The following GALNT9 variants were observed in gnomAD, a reference collection of about 807,000 sequenced individuals.
The protein encoded by GALNT9 is polypeptide N-acetylgalactosaminyltransferase 9, also known as GalNAc transferase 9.
GALNT9 carries 47 observed loss-of-function variants against 63.1 expected under a neutral mutation model. The observed-to-expected ratio is 0.75, with a 90% CI of 0.59 to 0.95. GALNT9 has a LOEUF of 0.95. GALNT9 is among the 40% of genes least tolerant of loss of function. GALNT9 has a pLI of 0.00. For synonymous variants in GALNT9, 396 were observed against 365.7 expected (o/e 1.08, Z -0.94); for missense variants, 829 against 874.8 (o/e 0.95, Z 0.66).
At position 132,196,570 on chromosome 12, in the gene GALNT9, G is replaced by T. The variant is rs1235878254; in HGVS notation, c.*537C>A. 1 of 986,384 alleles carries T rather than the reference G, an allele frequency of 1.0e-6. No homozygotes were observed. The highest frequency in any genetic ancestry group is 1.2e-6 in the Non-Finnish European group (1 of 830,654). The allele number at this position is 986,384 out of a possible 1,614,324, so 61.1% of individuals were successfully genotyped here. A position where few individuals can be genotyped will look rare whatever the true frequency, so the allele number is the denominator to read the frequency against. ...GCAGTCGTGCCAGCCTCCTAGACAC[G>T]GCCTCAGGTTTGTCGCTGTCCATGT... On this transcript the variant is annotated 3_prime_UTR_variant, in exon 11 of 11. Coordinates refer to ENST00000328957, the MANE Select transcript of GALNT9 (RefSeq NM_001122636.2).
chr12:132,214,338 C>T (rs1877095038), intron 6 of GALNT9, among the ~76,000 whole-genome samples: 1 of 152,212 alleles, frequency 6.6e-6, no homozygotes, highest in Non-Finnish European at 1.5e-5. Context: ...ATTAATCATG[C>T]TTTCATATTT....
chr12:132,257,955 C>G, intron 4 of GALNT9, 69 bp from the exon 5 acceptor site: 1 of 1,128,170 alleles, frequency 8.9e-7, no homozygotes, highest in Non-Finnish European at 1.3e-6. Context: ...GTCCACTCGC[C>G]CACAGGGAGG....
intron 2 of GALNT9, chr12:132,283,075 T>G (rs1395901241): frequency 6.6e-6 from 1 of 152,198 alleles, no homozygotes; most frequent in African/African-American, 2.4e-5. Context: ...CAGCTCGGGT[T>G]CAGTCCTGAC....
intron 1 of GALNT9, among the ~76,000 whole-genome samples, chr12:132,302,286 T>C (rs1470529925): frequency 6.8e-6 from 1 of 148,026 alleles, no homozygotes; most frequent in Admixed American, 6.7e-5. Context: ...CTGGGGTCTC[T>C]TGCTGCAGGG....
At position 132,228,400 on chromosome 12, in the gene GALNT9, G is replaced by A. The variant is rs1441970324; in HGVS notation, c.1077+19510C>T. Among the ~76,000 whole-genome samples the A allele has an allele frequency of 4.2e-3, 326 of 77,742 alleles. 3 individuals are homozygous for A. The highest frequency in any genetic ancestry group is 0.018 in the Middle Eastern group (2 of 112). The allele number at this position is 77,742 out of a possible 152,430, so 51.0% of individuals were successfully genotyped here. A position where few individuals can be genotyped will look rare whatever the true frequency, so the allele number is the denominator to read the frequency against. On this transcript the variant is annotated intron_variant, in intron 6 of 10. Transcript: ENST00000328957. ...GTGATACCTCTTTGCCTCTGGCGAGGCAGGGCGGCCCGTCAGCACCTCCTC... is the reference window on the plus strand; with the variant it reads ...GTGATACCTCTTTGCCTCTGGCGAGACAGGGCGGCCCGTCAGCACCTCCTC...
At chr12:132,202,619 C>A (rs1025929929) in intron 7 of GALNT9, among the ~76,000 whole-genome samples, 4 of 150,528 alleles carry the variant, frequency 2.7e-5, no homozygotes, top group African/African-American at 1.0e-4. Context: ...TAAATGTATG[C>A]GTGTGTGCGC....
intron 6 of GALNT9, among the ~76,000 whole-genome samples, chr12:132,235,246 G>C (rs1657915540): frequency 1.3e-5 from 2 of 151,912 alleles, no homozygotes; most frequent in South Asian, 4.2e-4. Flanking sequence ...AGCTCAGAGT[G>C]TGTGGGGCAG....
rs1868511041 is a variant in GALNT9, at chr12:132,316,374, T to C, written c.238+12592A>G. Among the ~76,000 whole-genome samples, 1 of 152,158 alleles carries C rather than the reference T, an allele frequency of 6.6e-6. No individual in the cohort carries two copies. Among genetic ancestry groups the C allele is most frequent in the Non-Finnish European group, 1.5e-5 (1 of 68,024 alleles). On this transcript the variant is annotated intron_variant, in intron 1 of 10. Coordinates refer to ENST00000328957, the MANE Select transcript of GALNT9 (RefSeq NM_001122636.2). The surrounding 1 kb of genome is among the most constrained non-coding windows in gnomAD (Gnocchi z 4.3). ...TCTGGGAGGAAACAGAGATCCCCTA[T>C]AACCGAGCATATACTTCCTTTAAAA... is the stretch of plus-strand genomic sequence containing the variant.
intron 1 of GALNT9, among the ~76,000 whole-genome samples, chr12:132,313,244 CCCAT>C (rs202020309): frequency 1.4e-5 from 2 of 142,600 alleles, no homozygotes; most frequent in Non-Finnish European, 3.1e-5. Context: ...CACCAACTCA[CCCAT>C]CCATCCATCC....
chr12:132,282,608 T>A lies in GALNT9; in HGVS notation c.419+3642A>T. 6.6e-6 allele frequency among the ~76,000 whole-genome samples: 1 copy of A among 152,022 alleles called. No homozygotes were observed. Among genetic ancestry groups the A allele is most frequent in the Non-Finnish European group, 1.5e-5 (1 of 68,000 alleles). On this transcript the variant is annotated intron_variant, in intron 2 of 10. Transcript: ENST00000328957. This position sits in a 1 kb window ranked among gnomAD's most constrained non-coding sequence, Gnocchi z 4.5. The stretch of plus-strand genomic sequence containing the variant: ...TCTCCCCTCTTGATGATAAGGTTGC[T>A]GCAGCTCCCCCAGCTCCCAGCCTTG...
chr12:132,326,315 A>C (rs192869739), intron 1 of GALNT9, among the ~76,000 whole-genome samples: 1 of 152,250 alleles, frequency 6.6e-6, no homozygotes, highest in Non-Finnish European at 1.5e-5. Flanking sequence ...GTTTTTGTGT[A>C]TAAACATTTT....
At chr12:132,219,940 G>A (rs995072840) in intron 6 of GALNT9, among the ~76,000 whole-genome samples, 17 of 152,272 alleles carry the variant, frequency 1.1e-4, no homozygotes, top group South Asian at 1.0e-3. Context: ...GGTGACACCC[G>A]CCTGGGTAAG....
chr12:132,288,248 G>A (rs1309371208), intron 1 of GALNT9, among the ~76,000 whole-genome samples: 1 of 152,182 alleles, frequency 6.6e-6, no homozygotes, highest in Non-Finnish European at 1.5e-5. Flanking sequence ...CAGCAGAGCC[G>A]AGGCTTTGAG....
chr12:132,317,064 C>T (rs1371294408), intron 1 of GALNT9, among the ~76,000 whole-genome samples: 3 of 149,842 alleles, frequency 2.0e-5, no homozygotes, highest in African/African-American at 4.9e-5. Context: ...GCACAGCCTG[C>T]ACCCTATGGA....
intron 4 of GALNT9, among the ~76,000 whole-genome samples, chr12:132,259,071 T>C (rs1555239450): frequency 6.6e-6 from 1 of 152,228 alleles, no homozygotes; most frequent in Non-Finnish European, 1.5e-5. Flanking sequence ...TACCTGCCTT[T>C]CAGCTTTGTG....
rs527995611 is a variant in GALNT9 at position 132,204,902 on chromosome 12, G to C, written c.1078-1212C>G. 1.8e-4 allele frequency among the ~76,000 whole-genome samples: 27 copies of C among 152,210 alleles called. 1 individual carries two copies. The South Asian group carries it at 4.8e-3, about 27-fold the overall frequency. ...CCTGCCATGCTGGACGAGTGTGCCAGGCCCAGGGCGGGCACTGTGCTTGCC... is the reference window on the plus strand; with the variant it reads ...CCTGCCATGCTGGACGAGTGTGCCACGCCCAGGGCGGGCACTGTGCTTGCC... On this transcript the variant is annotated intron_variant, in intron 6 of 10. Coordinates refer to ENST00000328957, the MANE Select transcript of GALNT9 (RefSeq NM_001122636.2).
At position 132,310,506 on chromosome 12, in the gene GALNT9, T is replaced by C. The variant is rs1327872138; in HGVS notation, c.238+18460A>G. 2.0e-5 allele frequency among the ~76,000 whole-genome samples: 3 copies of C among 152,136 alleles called. No individual in the cohort carries two copies. Among genetic ancestry groups the C allele is most frequent in the Non-Finnish European group, 4.4e-5 (3 of 68,034 alleles). On this transcript the variant is annotated intron_variant, in intron 1 of 10. Coordinates refer to ENST00000328957, the MANE Select transcript of GALNT9 (RefSeq NM_001122636.2). The surrounding 1 kb of genome is among the most constrained non-coding windows in gnomAD (Gnocchi z 4.8). Reference sequence around the variant, plus strand: ...CGGGAAAGCAGGCATTTCTGCCGGCTTCCTCTGTGTCCCTGCCCCCTGAAG... The same window carrying C: ...CGGGAAAGCAGGCATTTCTGCCGGCCTCCTCTGTGTCCCTGCCCCCTGAAG...
chr12:132,251,813 C>A (rs1394117575), intron 5 of GALNT9, among the ~76,000 whole-genome samples: 1 of 152,196 alleles, frequency 6.6e-6, no homozygotes, highest in African/African-American at 2.4e-5. Flanking sequence ...CCTGGAGGGG[C>A]TGGTGGCACA....
At chr12:132,203,804 C>CGGCCCTCTGTT in intron 6 of GALNT9, 114 bp from the exon 7 acceptor site, 2 of 1,148,042 alleles carry the variant, frequency 1.7e-6, no homozygotes, top group African/African-American at 3.2e-5. Flanking sequence ...TGGGGCACCC[C>CGGCCCTCTGTT]CACCACCGAC....
Sources: gnomAD v4.1 joint callset for allele counts (sites outside exome capture counted in the v4.1 genomes callset) on GRCh38, gnomAD v4.1.1 for gene constraint, Gnocchi (gnomAD v3.1) non-coding constraint, MANE v1.5 for transcripts, NCBI Gene and HGNC (gene_info 2026-07-23, HGNC 2026-07-21) for gene names.